Variants in LRBA observed in about 807,000 individuals in gnomAD.
The protein encoded by LRBA is LPS responsive beige-like anchor protein, also known as lipopolysaccharide-responsive and beige-like anchor protein.
A neutral mutation model predicts 330.0 loss-of-function variants in LRBA; 176 were observed. That is an observed-to-expected ratio of 0.53 (90% CI 0.47 to 0.60). LRBA has a LOEUF of 0.60. Ranked by LOEUF, LRBA falls within the 20% of genes least tolerant of loss-of-function variation. The pLI is 0.00. For missense variants in LRBA, 3,259 were observed against 3,444.8 expected, an observed-to-expected ratio of 0.95 and a Z score of 1.35; for synonymous variants, 1,230 against 1,193.0, an observed-to-expected ratio of 1.03 and a Z score of -0.64.
chr4:150,999,047 C>T (rs1351346370), intron 2 of LRBA, among the ~76,000 whole-genome samples: 2 of 152,040 alleles, frequency 1.3e-5, no homozygotes, highest in Non-Finnish European at 2.9e-5. Context: ...CAAATGCCTA[C>T]AAATATTAGG....
At chr4:150,731,941 A>G (rs1053418155) in intron 36 of LRBA, among the ~76,000 whole-genome samples, 5 of 152,172 alleles carry the variant, frequency 3.3e-5, no homozygotes, top group African/African-American at 1.2e-4. Flanking sequence ...CTGTACCAAA[A>G]TATCTCATGT....
chr4:150,988,909 C>T (rs1224560226), intron 2 of LRBA, among the ~76,000 whole-genome samples: 1 of 151,808 alleles, frequency 6.6e-6, no homozygotes, highest in Non-Finnish European at 1.5e-5. Context: ...TCAAACTCAC[C>T]AAAATGAGTT....
rs555027759 is a variant in LRBA, at chr4:150,549,079, C to A, written c.6330+38969G>T. ...AATATTCTTCTTGAATGTATTAAAT[C>A]TATAACTATATTCTTCTAATGAATA... On this transcript the variant is annotated intron_variant, in intron 40 of 56. Coordinates refer to ENST00000651943, the MANE Select transcript of LRBA (RefSeq NM_001364905.1). 1.0e-3 allele frequency among the ~76,000 whole-genome samples: 158 copies of A among 152,052 alleles called. No homozygotes were observed. The Middle Eastern group carries it at 0.014, about 13-fold the overall frequency.
rs180841615 is a variant in LRBA at position 150,629,720 on chromosome 4, A to G, written c.5922-30589T>C. On this transcript the variant is annotated intron_variant, in intron 37 of 56. Coordinates refer to ENST00000651943, the MANE Select transcript of LRBA (RefSeq NM_001364905.1). ...CATGGTGGCTCACGCCTGTAATCCCAGCACTTTGGGAGGCCGAGCTGCATG... is the reference window on the plus strand; with the variant it reads ...CATGGTGGCTCACGCCTGTAATCCCGGCACTTTGGGAGGCCGAGCTGCATG... Among the ~76,000 whole-genome samples the G allele has an allele frequency of 6.0e-4, 92 of 152,254 alleles. 1 individual carries two copies. Among genetic ancestry groups the G allele is most frequent in the Non-Finnish European group, 1.1e-3 (76 of 68,016 alleles).
chr4:150,513,653 C>A (rs892603808), intron 40 of LRBA, among the ~76,000 whole-genome samples: 1 of 152,164 alleles, frequency 6.6e-6, no homozygotes, highest in Admixed American at 6.5e-5. Context: ...GGGCTCTCCT[C>A]CTGGCTTGCA....
chr4:150,837,045 G>A (rs1030785973), intron 28 of LRBA, among the ~76,000 whole-genome samples: 3 of 152,086 alleles, frequency 2.0e-5, no homozygotes, highest in Non-Finnish European at 4.4e-5. Flanking sequence ...CCTTCATTTT[G>A]TTATGTACCC....
chr4:150,504,218 T>A (rs1655027187), intron 40 of LRBA, among the ~76,000 whole-genome samples: 1 of 152,050 alleles, frequency 6.6e-6, no homozygotes, highest in Non-Finnish European at 1.5e-5. Context: ...CAGGCCAACA[T>A]TCAAATTCAG....
intron 38 of LRBA, among the ~76,000 whole-genome samples, chr4:150,596,810 C>T (rs1773535130): frequency 6.6e-6 from 1 of 151,436 alleles, no homozygotes; most frequent in African/African-American, 2.4e-5. Context: ...AATTTTCTAA[C>T]ATCGAACAAT....
chr4:150,425,105 G>A (rs1238714403), intron 46 of LRBA, among the ~76,000 whole-genome samples: 3 of 152,132 alleles, frequency 2.0e-5, no homozygotes, highest in Non-Finnish European at 4.4e-5. Flanking sequence ...ACCATATCTT[G>A]ATACAATACC....
chr4:150,277,794 G>A, intron 56 of LRBA, 59 bp downstream of exon 56: 6 of 1,542,604 alleles, frequency 3.9e-6, no homozygotes, highest in South Asian at 2.3e-5. Context: ...AAGCCAACAC[G>A]ACCAGTCCCC....
At chr4:150,976,972 TGAC>T (rs1450647839) in intron 2 of LRBA, among the ~76,000 whole-genome samples, 1 of 152,114 alleles carries the variant, frequency 6.6e-6, no homozygotes, top group Non-Finnish European at 1.5e-5. Context: ...GAAACAGTAT[TGAC>T]AAGCCTCACC....
chr4:150,990,739 G>A (rs763442405), intron 2 of LRBA, among the ~76,000 whole-genome samples: 3 of 151,992 alleles, frequency 2.0e-5, no homozygotes, highest in Non-Finnish European at 4.4e-5. Flanking sequence ...CTATCACATG[G>A]CCAGGCACAG....
chr4:150,773,950 T>A (rs577252423), intron 34 of LRBA, among the ~76,000 whole-genome samples: 1 of 152,194 alleles, frequency 6.6e-6, no homozygotes, highest in Non-Finnish European at 1.5e-5. Flanking sequence ...TATTTCCTTT[T>A]CCCCAGTGAA....
At position 150,828,424 on chromosome 4, in the gene LRBA, T is replaced by C. The variant is rs528897020; in HGVS notation, c.4927A>G (p.Thr1643Ala). Residue 1643 changes from threonine to alanine, a missense_variant, in exon 30 of 57, where the codon ACT (threonine) becomes GCT (alanine). Coordinates refer to ENST00000651943, the MANE Select transcript of LRBA (RefSeq NM_001364905.1). ...GACTTATTGACTTCTAAAGAAAGAGTAGATAGCACCTCGCTGATTGCATCT... is the reference window on the plus strand; with the variant it reads ...GACTTATTGACTTCTAAAGAAAGAGCAGATAGCACCTCGCTGATTGCATCT... ...GPDAISEVLS[T>A]LSLEVNKSPE... 5.6e-6 allele frequency: 9 copies of C among 1,613,982 alleles called. No individual in the cohort carries two copies. Among genetic ancestry groups the C allele is most frequent in the African/African-American group, 2.7e-5 (2 of 74,968 alleles).
chr4:150,521,762 C>T (rs1048867033), intron 40 of LRBA, among the ~76,000 whole-genome samples: 1 of 152,124 alleles, frequency 6.6e-6, no homozygotes, highest in Non-Finnish European at 1.5e-5. Flanking sequence ...TATAACCAAA[C>T]AAATGGTCTT....
At chr4:150,376,201 G>C (rs1677710076) in intron 47 of LRBA, among the ~76,000 whole-genome samples, 1 of 152,174 alleles carries the variant, frequency 6.6e-6, no homozygotes, top group South Asian at 2.1e-4. Context: ...TTAAAGAAAG[G>C]CTAGAAATAC....
At chr4:150,337,095 A>G (rs920330279) in intron 48 of LRBA, among the ~76,000 whole-genome samples, 1 of 152,200 alleles carries the variant, frequency 6.6e-6, no homozygotes, top group African/African-American at 2.4e-5. Context: ...AAAACTCAAC[A>G]ATATCCAGAG....
rs991530067 is a variant in LRBA, at chr4:150,648,222, C to T, written c.5921+35329G>A. On this transcript the variant is annotated intron_variant, in intron 37 of 56. Coordinates refer to ENST00000651943, the MANE Select transcript of LRBA (RefSeq NM_001364905.1). ...GCCAGAAACCAGTGGAACAAAATAA[C>T]TTGACAAGGAAGTGGTCTACACAAA... Among the ~76,000 whole-genome samples the T allele has an allele frequency of 6.4e-5, 8 of 125,006 alleles. No homozygotes were observed. In the Admixed American group the frequency reaches 6.6e-4, roughly 10 times the overall value. 82.0% of individuals were successfully genotyped at this position (125,006 alleles called of 152,430 possible).
At position 150,583,323 on chromosome 4, in the gene LRBA, A is replaced by G; in HGVS notation, c.6330+4725T>C. The G allele has an allele frequency of 6.2e-7, 1 of 1,614,186 alleles. No individual in the cohort carries two copies. The highest frequency in any genetic ancestry group is 1.1e-5 in the South Asian group (1 of 91,080). ...ACGACGGCTCGCTGCCCGGCTGCGC[A>G]GTGCTCAAACTGAGCGATGGGCGGA... On this transcript the variant is annotated intron_variant, in intron 40 of 56. Coordinates refer to ENST00000651943, the MANE Select transcript of LRBA (RefSeq NM_001364905.1). The surrounding 1 kb of genome is among the most constrained non-coding windows in gnomAD (Gnocchi z 9.8).
Sources: allele counts gnomAD v4.1 joint callset (sites outside exome capture counted in the v4.1 genomes callset), GRCh38; gene constraint gnomAD v4.1.1; non-coding constraint Gnocchi (gnomAD v3.1); transcripts MANE v1.5; gene names NCBI Gene and HGNC (gene_info 2026-07-23, HGNC 2026-07-21).